The following REEP3 variants were observed in gnomAD, a reference collection of about 807,000 sequenced individuals.
REEP3 encodes the protein receptor expression-enhancing protein 3.
In REEP3, 20 loss-of-function variants were observed where a neutral mutation model predicts 41.3. The observed-to-expected ratio is 0.48, with a 90% CI of 0.34 to 0.70. The LOEUF is 0.70. Among genes scored for constraint, REEP3 ranks in the 30% least tolerant of loss-of-function variants. The pLI, the probability that REEP3 is intolerant of heterozygous loss-of-function variation, is 0.01. For missense variants in REEP3, 271 were observed against 308.8 expected (o/e 0.88, Z 0.92); for synonymous variants, 104 against 101.8 (o/e 1.02, Z -0.13).
intron 2 of REEP3, among the ~76,000 whole-genome samples, chr10:63,573,887 C>A (rs1171288660): frequency 1.3e-5 from 2 of 152,068 alleles, no homozygotes; most frequent in Admixed American, 1.3e-4. Context: ...TAAAGATTAG[C>A]CTACTGATTA....
intron 1 of REEP3, among the ~76,000 whole-genome samples, chr10:63,556,453 TATATTA>T (rs1372399844): frequency 7.2e-6 from 1 of 138,480 alleles, no homozygotes; most frequent in East Asian, 2.0e-4. Flanking sequence ...CATTACAGTC[TATATTA>T]ATATTAGAGA....
intron 1 of REEP3, among the ~76,000 whole-genome samples, chr10:63,550,042 A>T (rs956059876): frequency 6.6e-6 from 1 of 152,232 alleles, no homozygotes; most frequent in African/African-American, 2.4e-5. Flanking sequence ...TATTAGAAAG[A>T]TTTATCTGAC....
At chr10:63,521,628 G>A (rs1955248342) in intron 1 of REEP3, 51 bp downstream of exon 1, 18 of 1,328,596 alleles carry the variant, frequency 1.4e-5, no homozygotes, top group Non-Finnish European at 1.8e-5. Context: ...CAGGGGAGCT[G>A]TGGGAAGGGG....
rs139414631 is a variant in REEP3 at position 63,592,898 on chromosome 10, A to G, written c.106-1880A>G. Reference sequence around the variant, plus strand: ...ACAGAGCAAGACTCTGTCTCAAAAAACAAAAACAAAAACAAAAACCTTATG... The same window carrying G: ...ACAGAGCAAGACTCTGTCTCAAAAAGCAAAAACAAAAACAAAAACCTTATG... On this transcript the variant is annotated intron_variant, in intron 2 of 7. Transcript: ENST00000373758. Among the ~76,000 whole-genome samples the G allele has an allele frequency of 8.6e-3, 1,290 of 150,128 alleles. 10 individuals are homozygous for G. Among genetic ancestry groups the G allele is most frequent in the Non-Finnish European group, 0.013 (918 of 68,004 alleles).
chr10:63,587,624 A>G (rs952586039), intron 2 of REEP3, among the ~76,000 whole-genome samples: 3 of 152,156 alleles, frequency 2.0e-5, no homozygotes, highest in Non-Finnish European at 4.4e-5. Context: ...TCCCCACACA[A>G]CTATTAATAT....
intron 5 of REEP3, among the ~76,000 whole-genome samples, chr10:63,608,044 TAAAG>T (rs1284242839): frequency 2.0e-5 from 3 of 152,072 alleles, no homozygotes; most frequent in African/African-American, 4.8e-5. Context: ...TGGCAGTAAA[TAAAG>T]AAATCAGAAA....
Position 63,598,077 on chromosome 10 carries a change from C to G in REEP3, c.236C>G (p.Pro79Arg). The change falls in exon 4 of 8, where the codon CCC (proline) becomes CGC (arginine). Residue 79 changes from proline to arginine, a missense_variant. By Grantham distance (103) the Pro-to-Arg change is moderately radical. Transcript: ENST00000373758. ...KIAFVIWLLS[P>R]YTKGASLIYR... ...GCTTTTGTCATATGGCTGCTTTCTCCCTATACCAAAGGAGCAAGTTTAATA... is the reference window on the plus strand; with the variant it reads ...GCTTTTGTCATATGGCTGCTTTCTCGCTATACCAAAGGAGCAAGTTTAATA... 1.2e-6 allele frequency: 2 copies of G among 1,605,154 alleles called. No homozygotes were observed. The highest frequency in any genetic ancestry group is 4.5e-5 in the East Asian group (2 of 44,816).
intron 5 of REEP3, chr10:63,599,829 G>A (rs910285254): frequency 4.1e-5 from 10 of 244,702 alleles, no homozygotes; most frequent in African/African-American, 2.1e-4. Flanking sequence ...AATGTGTTCT[G>A]TAAAAATTTG....
chr10:63,617,211 A>G (rs1956318661), intron 6 of REEP3, among the ~76,000 whole-genome samples: 1 of 152,184 alleles, frequency 6.6e-6, no homozygotes, highest in Non-Finnish European at 1.5e-5. Flanking sequence ...TCTTGGCCTA[A>G]ATAAGGACTG....
chr10:63,543,162 A>G (rs11592315), intron 1 of REEP3, among the ~76,000 whole-genome samples: 3,475 of 152,212 alleles, frequency 0.023, 69 homozygotes, highest in Middle Eastern at 0.041. Flanking sequence ...CAAACCACCC[A>G]ATAACTTAGT....
At chr10:63,570,864 C>G (rs1159496880) in intron 2 of REEP3, among the ~76,000 whole-genome samples, 1 of 152,136 alleles carries the variant, frequency 6.6e-6, no homozygotes, top group Non-Finnish European at 1.5e-5. Context: ...CCTGTAATCC[C>G]AGCACTTTGG....
intron 1 of REEP3, among the ~76,000 whole-genome samples, chr10:63,527,395 G>T (rs1046987710): frequency 1.3e-5 from 2 of 152,110 alleles, no homozygotes; most frequent in African/African-American, 4.8e-5. Context: ...GTCCAAGCCG[G>T]GCACAGTGGC....
chr10:63,582,927 G>C (rs1955968299), intron 2 of REEP3, among the ~76,000 whole-genome samples: 1 of 152,118 alleles, frequency 6.6e-6, no homozygotes, highest in Non-Finnish European at 1.5e-5. Flanking sequence ...TTGAAGAGAA[G>C]TAATTTGATA....
At chr10:63,569,969 T>C (rs1422695328) in intron 2 of REEP3, among the ~76,000 whole-genome samples, 2 of 151,918 alleles carry the variant, frequency 1.3e-5, no homozygotes, top group Non-Finnish European at 2.9e-5. Flanking sequence ...AATAATAAAA[T>C]AAAAATCAGA....
intron 1 of REEP3, among the ~76,000 whole-genome samples, chr10:63,556,519 T>G (rs1457364827): frequency 2.1e-5 from 3 of 142,718 alleles, no homozygotes; most frequent in Non-Finnish European, 4.9e-5. Flanking sequence ...GACAGAAAAA[T>G]TTGCCCTCTC....
At chr10:63,528,380 A>C (rs1486731238) in intron 1 of REEP3, among the ~76,000 whole-genome samples, 1 of 152,154 alleles carries the variant, frequency 6.6e-6, no homozygotes, top group Non-Finnish European at 1.5e-5. Context: ...CTAGTTCCCT[A>C]CATTGAATCC....
At chr10:63,534,164 T>G (rs7920058) in intron 1 of REEP3, among the ~76,000 whole-genome samples, 64,818 of 152,046 alleles carry the variant, frequency 0.43, 14,518 homozygotes, top group South Asian at 0.54. Context: ...GAAATAAACT[T>G]TTTTGTCCAC....
intron 1 of REEP3, chr10:63,562,539 G>A (rs966725918): frequency 2.2e-6 from 1 of 456,318 alleles, no homozygotes; most frequent in Admixed American, 2.3e-5. Flanking sequence ...TTACAGGCAT[G>A]AGCCACTGCT....
At chr10:63,610,359 G>A in intron 6 of REEP3, 25 bp downstream of exon 6, 6 of 1,549,264 alleles carry the variant, frequency 3.9e-6, no homozygotes, top group South Asian at 1.2e-5. Context: ...TTTAATATAC[G>A]GTTCTTTTAC....
Sources: gnomAD v4.1 joint callset for allele counts (sites outside exome capture counted in the v4.1 genomes callset) on GRCh38, gnomAD v4.1.1 for gene constraint, MANE v1.5 for transcripts, NCBI Gene and HGNC (gene_info 2026-07-23, HGNC 2026-07-21) for gene names.